Variants in ZFAT observed in about 807,000 individuals in gnomAD.
ZFAT encodes zinc finger protein ZFAT.
In ZFAT, 64 loss-of-function variants were observed where a neutral mutation model predicts 117.7. That is an observed-to-expected ratio of 0.54 (90% CI 0.44 to 0.67). The LOEUF is 0.67. Ranked by LOEUF, ZFAT falls within the 30% of genes least tolerant of loss-of-function variation. The pLI, the probability that ZFAT is intolerant of heterozygous loss-of-function variation, is 0.00. For missense variants in ZFAT, 1,433 were observed against 1,584.5 expected (o/e 0.90, Z 1.62); for synonymous variants, 679 against 615.0 (o/e 1.10, Z -1.54).
intron 2 of ZFAT, among the ~76,000 whole-genome samples, chr8:134,641,333 C>A (rs946078872): frequency 6.6e-6 from 1 of 152,204 alleles, no homozygotes; most frequent in African/African-American, 2.4e-5. Flanking sequence ...CCCAAATATA[C>A]ACAGAGAATC....
intron 10 of ZFAT, among the ~76,000 whole-genome samples, chr8:134,581,324 T>C (rs1223746867): frequency 6.6e-6 from 1 of 152,162 alleles, no homozygotes; most frequent in Non-Finnish European, 1.5e-5. Context: ...ACAGCAGCCC[T>C]GTGGGAAAGC....
chr8:134,826,678 AT>A, the ZFAT span, among the ~76,000 whole-genome samples: 3 of 152,238 alleles, frequency 2.0e-5, no homozygotes, highest in African/African-American at 7.2e-5. Context: ...ATATTAAATT[AT>A]ACATACTGTG....
chr8:134,505,065 C>T (rs931728673), intron 15 of ZFAT, among the ~76,000 whole-genome samples: 7 of 152,338 alleles, frequency 4.6e-5, no homozygotes, highest in African/African-American at 1.7e-4. Context: ...CTGTTTAAGG[C>T]TGCATTTTCC....
intron 10 of ZFAT, among the ~76,000 whole-genome samples, chr8:134,574,388 C>T (rs1396158089): frequency 6.6e-6 from 1 of 152,022 alleles, no homozygotes; most frequent in Non-Finnish European, 1.5e-5. Context: ...GAAGCCCCAG[C>T]CTGGCGACTT....
At chr8:134,647,974 G>A (rs920743771) in intron 2 of ZFAT, among the ~76,000 whole-genome samples, 16 of 152,072 alleles carry the variant, frequency 1.1e-4, no homozygotes, top group African/African-American at 3.6e-4. Context: ...AAAGCATGAT[G>A]ACTATAACTA....
chr8:134,564,491 C>T (rs1172242712), intron 11 of ZFAT, among the ~76,000 whole-genome samples: 2 of 152,254 alleles, frequency 1.3e-5, no homozygotes, highest in African/African-American at 2.4e-5. Context: ...AGGAACTCCA[C>T]TGCCACCACT....
At chr8:134,532,374 A>G (rs1416489193) in intron 12 of ZFAT, among the ~76,000 whole-genome samples, 1 of 152,256 alleles carries the variant, frequency 6.6e-6, no homozygotes, top group East Asian at 1.9e-4. Context: ...AATGTTCGAT[A>G]ACAGAATTGT....
intron 10 of ZFAT, among the ~76,000 whole-genome samples, chr8:134,580,644 A>C (rs1825652201): frequency 6.6e-6 from 1 of 152,246 alleles, no homozygotes; most frequent in South Asian, 2.1e-4. Context: ...AAAATAAGGT[A>C]CTAGTACAAA....
At chr8:134,604,638 C>T (rs1295941600) in intron 5 of ZFAT, among the ~76,000 whole-genome samples, 1 of 152,316 alleles carries the variant, frequency 6.6e-6, no homozygotes, top group East Asian at 1.9e-4. Flanking sequence ...AACCAGATAC[C>T]ATTCAACTGT....
the ZFAT span, among the ~76,000 whole-genome samples, chr8:134,757,672 G>A: frequency 6.6e-6 from 1 of 152,268 alleles, no homozygotes; most frequent in Non-Finnish European, 1.5e-5. Context: ...CTTTTGCAGG[G>A]TACCAATGAT....
intron 2 of ZFAT, among the ~76,000 whole-genome samples, chr8:134,653,264 C>CTTT (rs150558948): frequency 0.026 from 2,174 of 84,570 alleles, 58 homozygotes; most frequent in Admixed American, 0.053. Flanking sequence ...ACCCAAATGT[C>CTTT]TTTTTTAAAA....
At chr8:134,655,382 T>A (rs1330530721) in intron 2 of ZFAT, among the ~76,000 whole-genome samples, 1 of 152,230 alleles carries the variant, frequency 6.6e-6, no homozygotes, top group Non-Finnish European at 1.5e-5. Flanking sequence ...GTACGGTGGC[T>A]CACACCTGTA....
intron 7 of ZFAT, among the ~76,000 whole-genome samples, chr8:134,593,650 C>T (rs532049805): frequency 6.6e-6 from 1 of 152,376 alleles, no homozygotes; most frequent in South Asian, 2.1e-4. Context: ...CAGCCCCAAG[C>T]CTGAGGCTCA....
chr8:134,507,594 C>T (rs1168821136), intron 15 of ZFAT, among the ~76,000 whole-genome samples: 1 of 152,208 alleles, frequency 6.6e-6, no homozygotes, highest in Admixed American at 6.5e-5. Context: ...TTTAGCTTGT[C>T]GACACTGGTC....
At chr8:134,639,842 T>G (rs1015505737) in intron 2 of ZFAT, 2 of 452,986 alleles carry the variant, frequency 4.4e-6, no homozygotes, top group Admixed American at 2.4e-5. Flanking sequence ...GCGGCCCAGG[T>G]CTAAACCCAG....
intron 3 of ZFAT, among the ~76,000 whole-genome samples, chr8:134,633,508 G>C (rs987177768): frequency 6.6e-6 from 1 of 152,184 alleles, no homozygotes; most frequent in Non-Finnish European, 1.5e-5. Context: ...CCATCAACTA[G>C]AGACCAATGA....
the ZFAT span, among the ~76,000 whole-genome samples, chr8:134,741,915 C>A: frequency 1.3e-5 from 2 of 152,020 alleles, no homozygotes; most frequent in Admixed American, 1.3e-4. Flanking sequence ...AGTCCCCTCT[C>A]CCTGATCAGC....
Position 134,617,837 on chromosome 8 carries a change from T to C in ZFAT, c.449-7182A>G, listed in dbSNP as rs192467661. ...ATAGTCTCGACCGTGATTACTGACA[T>C]AGTTTGGCTGTGTCCCCATCCAAAT... On this transcript the variant is annotated intron_variant, in intron 3 of 15. Transcript: ENST00000377838. Among the ~76,000 whole-genome samples the C allele has an allele frequency of 9.5e-4, 145 of 152,310 alleles. 2 individuals are homozygous for C. Among genetic ancestry groups the C allele is most frequent in the Non-Finnish European group, 6.5e-4 (44 of 68,028 alleles).
chr8:134,570,763 T>C (rs796259075), intron 10 of ZFAT, among the ~76,000 whole-genome samples: 87 of 152,088 alleles, frequency 5.7e-4, no homozygotes, highest in African/African-American at 2.0e-3. Flanking sequence ...ATACCCACCA[T>C]CTCCCCACCC....
Sources: gnomAD v4.1 joint callset for allele counts (sites outside exome capture counted in the v4.1 genomes callset) on GRCh38, gnomAD v4.1.1 for gene constraint, MANE v1.5 for transcripts, NCBI Gene and HGNC (gene_info 2026-07-23, HGNC 2026-07-21) for gene names.